BPTF: variants seen among roughly 807,000 people sequenced by gnomAD.
BPTF encodes nucleosome-remodeling factor subunit BPTF.
Under a neutral mutation model 292.5 loss-of-function variants are expected in BPTF, and 18 were observed. The observed-to-expected ratio is 0.06, with a 90% CI of 0.04 to 0.09. BPTF has a LOEUF of 0.09. Ranked by LOEUF, BPTF falls within the 10% of genes least tolerant of loss-of-function variation. The pLI, the probability that BPTF is intolerant of heterozygous loss-of-function variation, is 1.00. For synonymous variants in BPTF, 1,225 were observed against 1,251.9 expected, an observed-to-expected ratio of 0.98 and a Z score of 0.45; for missense variants, 2,726 against 3,498.7, an observed-to-expected ratio of 0.78 and a Z score of 5.57.
chr17:67,904,617 G>A, intron 8 of BPTF, 85 bp from the exon 9 acceptor site: 3 of 1,075,162 alleles, frequency 2.8e-6, no homozygotes, highest in East Asian at 5.7e-5. Context: ...TTTGAAACTT[G>A]TTTGGTAAAA....
chr17:67,870,766 C>CTTTTTTTT (rs11418428), intron 3 of BPTF, among the ~76,000 whole-genome samples: 66 of 106,388 alleles, frequency 6.2e-4, no homozygotes, highest in African/African-American at 1.7e-3. Context: ...TGCTTCATTT[C>CTTTTTTTT]TTTTTTTTTT....
intron 4 of BPTF, chr17:67,875,563 A>G (rs2060001525): frequency 6.6e-7 from 1 of 1,519,934 alleles, no homozygotes; most frequent in Non-Finnish European, 8.9e-7. Context: ...TAGAGCCAAC[A>G]GAAGTTGGGG....
intron 15 of BPTF, 138 bp from the exon 16 acceptor site, chr17:67,928,217 C>A (rs2064080718): frequency 2.0e-6 from 2 of 979,862 alleles, no homozygotes; most frequent in Admixed American, 5.8e-5. Context: ...GACATATATT[C>A]TTTTTGGAAG....
intron 17 of BPTF, among the ~76,000 whole-genome samples, chr17:67,930,348 A>G (rs1337112542): frequency 4.6e-5 from 7 of 151,706 alleles, no homozygotes; most frequent in Admixed American, 6.6e-5. Flanking sequence ...ACAGGCACCC[A>G]CCACCATGCC....
chr17:67,921,760 G>T (rs547755018), intron 13 of BPTF, among the ~76,000 whole-genome samples: 1 of 151,568 alleles, frequency 6.6e-6, no homozygotes, highest in Admixed American at 6.6e-5. Context: ...GGCCAGGTGC[G>T]GTGGCTTCCG....
At chr17:67,929,634 T>C in intron 17 of BPTF, 147 bp downstream of exon 17, 1 of 918,742 alleles carries the variant, frequency 1.1e-6, no homozygotes, top group Admixed American at 2.9e-5. Context: ...AAAAATCTGT[T>C]ATATTTCTGA....
At chr17:67,958,770 G>C (rs2067188639) in intron 23 of BPTF, among the ~76,000 whole-genome samples, 2 of 151,810 alleles carry the variant, frequency 1.3e-5, no homozygotes, top group South Asian at 4.2e-4. Context: ...TTTGCAACCA[G>C]CCTGGCCAAC....
chr17:67,934,870 C>CAAAAAAAAAAAAA (rs569120237), intron 18 of BPTF, among the ~76,000 whole-genome samples: 24 of 90,994 alleles, frequency 2.6e-4, no homozygotes, highest in African/African-American at 1.4e-3. Flanking sequence ...AACTCTGTCT[C>CAAAAAAAAAAAAA]AAAAAAAAAA....
chr17:67,878,142 A>T (rs1231243969), intron 4 of BPTF, among the ~76,000 whole-genome samples: 1 of 152,140 alleles, frequency 6.6e-6, no homozygotes, highest in Non-Finnish European at 1.5e-5. Flanking sequence ...CTGGAACCAT[A>T]CAGTATATAC....
chr17:67,945,153 A>T (rs2065706640), intron 20 of BPTF, among the ~76,000 whole-genome samples: 1 of 152,122 alleles, frequency 6.6e-6, no homozygotes, highest in African/African-American at 2.4e-5. Flanking sequence ...CTCCCACCTC[A>T]GCCTCCCACG....
intron 23 of BPTF, among the ~76,000 whole-genome samples, 154 bp from the exon 24 acceptor site, chr17:67,959,387 T>C (rs563420175): frequency 2.0e-5 from 3 of 152,210 alleles, no homozygotes; most frequent in Admixed American, 6.5e-5. Flanking sequence ...GTTTAAGATA[T>C]AAGAAAACTC....
intron 18 of BPTF, among the ~76,000 whole-genome samples, chr17:67,939,536 A>G (rs903060469): frequency 1.9e-4 from 29 of 152,242 alleles, no homozygotes; most frequent in African/African-American, 6.5e-4. Flanking sequence ...GAGCCATTCC[A>G]GTTCAACTTC....
chr17:67,889,073 G>C (rs973589667), intron 4 of BPTF, among the ~76,000 whole-genome samples: 1 of 152,154 alleles, frequency 6.6e-6, no homozygotes, highest in East Asian at 1.9e-4. Context: ...TGAAGAGTTT[G>C]TGTAGGCTTC....
At chr17:67,955,797 G>A (rs1555680695) in intron 23 of BPTF, 2 of 151,528 alleles carry the variant, frequency 1.3e-5, no homozygotes, top group South Asian at 2.1e-4. Flanking sequence ...ACTGCATGAC[G>A]GAATGAGACT....
At chr17:67,827,170 T>C (rs2056152061) in intron 1 of BPTF, among the ~76,000 whole-genome samples, 1 of 152,254 alleles carries the variant, frequency 6.6e-6, no homozygotes, top group African/African-American at 2.4e-5. Flanking sequence ...TCGTGTCACC[T>C]GTTGCAGAAG....
In BPTF at chr17:67,826,162, G is replaced by A. The variant is rs2056002830; in HGVS notation, c.438G>A (p.Glu146=). The change falls in exon 1 of 28, where the codon GAG becomes GAA. Residue 146 remains glutamate (E), a synonymous_variant. Coordinates refer to ENST00000306378, the MANE Select transcript of BPTF (RefSeq NM_182641.4). The stretch of plus-strand genomic sequence containing the variant: ...AGGACATGGTCTCCGAGGAGGAGGA[G>A]GAGGAGGACGGCGACGCCGAGGAGA... ...EEEDMVSEEE[E]EEDGDAEETQ... The A allele has an allele frequency of 6.4e-7, 1 of 1,552,406 alleles. No homozygotes were observed. Among genetic ancestry groups the A allele is most frequent in the Non-Finnish European group, 8.9e-7 (1 of 1,124,308 alleles).
Position 67,911,031 on chromosome 17 carries a change from T to G in BPTF, c.3147T>G (p.Thr1049=). Residue 1049 remains threonine (T), a synonymous_variant, in exon 11 of 28, where the codon ACT becomes ACG. Transcript: ENST00000306378. ...TTAGTGAGGGTTTTCATCTAAGGACTAGTTACAAAAAGAAAACAAAATCAT... is the reference window on the plus strand; with the variant it reads ...TTAGTGAGGGTTTTCATCTAAGGACGAGTTACAAAAAGAAAACAAAATCAT... ...VNVSEGFHLR[T]SYKKKTKSSK... 1 of 1,613,918 alleles carries G rather than the reference T, an allele frequency of 6.2e-7. No homozygotes were observed. The highest frequency in any genetic ancestry group is 8.5e-7 in the Non-Finnish European group (1 of 1,179,870).
chr17:67,911,048 C>T lies in BPTF; in HGVS notation c.3164C>T (p.Thr1055Ile). The T allele has an allele frequency of 6.5e-7, 1 of 1,532,246 alleles. No individual in the cohort carries two copies. Among genetic ancestry groups the T allele is most frequent in the Non-Finnish European group, 8.8e-7 (1 of 1,130,994 alleles). The allele number at this position is 1,532,246 out of a possible 1,614,324, so 94.9% of individuals were successfully genotyped here. ...FHLRTSYKKK[T>I]KSSKLDGLLE... is the part of the protein sequence containing the mutation. ...CTAAGGACTAGTTACAAAAAGAAAA[C>T]AAAATCATCCAAACTAGATGGACTT... Residue 1055 changes from threonine (T) to isoleucine (I), a missense_variant, in exon 11 of 28, where the codon ACA (threonine) becomes ATA (isoleucine). By Grantham distance (89) the Thr-to-Ile change is moderately conservative. This residue lies in a region of BPTF where 713 missense variants were observed against 714.9 expected (regional missense o/e 1.00). Transcript: ENST00000306378.
rs1410543007 is a variant in BPTF at position 67,971,034 on chromosome 17, G to A, written c.8539+4378G>A. Among the ~76,000 whole-genome samples, 4 of 151,758 alleles carry A rather than the reference G, an allele frequency of 2.6e-5. No homozygotes were observed. In the East Asian group the frequency reaches 7.7e-4, roughly 29 times the overall value. On this transcript the variant is annotated intron_variant, in intron 26 of 27. Coordinates refer to ENST00000306378, the MANE Select transcript of BPTF (RefSeq NM_182641.4). ...GCTGACTGCATCCTCGTCCTCCCAG[G>A]TACAGCTGATTCTCCCACCTCAGCC...
Sources: gnomAD v4.1 joint callset for allele counts (sites outside exome capture counted in the v4.1 genomes callset) on GRCh38, gnomAD v4.1.1 for gene constraint, gnomAD v4.1.1 regional missense constraint, MANE v1.5 for transcripts, NCBI Gene and HGNC (gene_info 2026-07-23, HGNC 2026-07-21) for gene names.